FAT4: variants seen among roughly 807,000 people sequenced by gnomAD.
FAT4 encodes FAT atypical cadherin 4, also known as protocadherin Fat 4.
In FAT4, 84 loss-of-function variants were observed where a neutral mutation model predicts 303.9. The ratio of observed to expected loss-of-function variants is 0.28; its 90% CI spans 0.23 to 0.33. FAT4 has a LOEUF of 0.33. Among genes scored for constraint, FAT4 ranks in the 10% least tolerant of loss-of-function variants. The pLI is 1.00. For synonymous variants in FAT4, 2,307 were observed against 2,298.8 expected (o/e 1.00, Z -0.10); for missense variants, 6,005 against 6,146.8 (o/e 0.98, Z 0.77).
rs760631255 is a variant in FAT4 at position 125,490,123 on chromosome 4, C to T, written c.13307C>T (p.Pro4436Leu). Residue 4436 changes from proline to leucine, a missense_variant, in exon 18 of 18, where the codon CCG (proline) becomes CTG (leucine). Pro to Leu is a moderately conservative substitution (Grantham distance 98). Coordinates refer to ENST00000394329, the MANE Select transcript of FAT4 (RefSeq NM_001291303.3). ...CVPPGDCASH[P>L]CQNGGSCEPG... Reference sequence around the variant, plus strand: ...CCTCCTGGGGACTGTGCCTCCCACCCGTGCCAGAATGGTGGCAGCTGTGAG... The same window carrying T: ...CCTCCTGGGGACTGTGCCTCCCACCTGTGCCAGAATGGTGGCAGCTGTGAG... 6.2e-6 allele frequency: 10 copies of T among 1,613,898 alleles called. No homozygotes were observed. The highest frequency in any genetic ancestry group is 5.3e-5 in the African/African-American group (4 of 74,872).
At chr4:125,330,315 T>C (rs1731330137) in intron 2 of FAT4, among the ~76,000 whole-genome samples, 1 of 152,232 alleles carries the variant, frequency 6.6e-6, no homozygotes, top group Admixed American at 6.5e-5. Context: ...TCCATTGCCT[T>C]GCGGCATTTC....
At chr4:125,409,537 T>C (rs995197654) in intron 5 of FAT4, among the ~76,000 whole-genome samples, 1 of 152,186 alleles carries the variant, frequency 6.6e-6, no homozygotes, top group African/African-American at 2.4e-5. Context: ...ATTGCAGGCG[T>C]GAGCCACTGC....
At chr4:125,433,331 G>C (rs968891575) in intron 7 of FAT4, among the ~76,000 whole-genome samples, 5 of 152,182 alleles carry the variant, frequency 3.3e-5, no homozygotes, top group Non-Finnish European at 5.9e-5. Context: ...AGCAGAAAAG[G>C]AGAGTATCTG....
chr4:125,360,098 C>T (rs1732595861), intron 2 of FAT4, among the ~76,000 whole-genome samples: 1 of 151,926 alleles, frequency 6.6e-6, no homozygotes, highest in African/African-American at 2.4e-5. Flanking sequence ...TCCATCTTAT[C>T]TTTTGTTCTT....
At chr4:125,367,493 T>A (rs1732928543) in intron 2 of FAT4, among the ~76,000 whole-genome samples, 1 of 152,110 alleles carries the variant, frequency 6.6e-6, no homozygotes. Flanking sequence ...AGTAAAGGAC[T>A]GCGTATGTTT....
rs777578313 is a variant in FAT4 at position 125,477,285 on chromosome 4, A to C, written c.12430A>C (p.Arg4144=). The C allele has an allele frequency of 6.3e-7, 1 of 1,586,966 alleles. No homozygotes were observed. The highest frequency in any genetic ancestry group is 1.7e-5 in the Admixed American group (1 of 57,614). ...TATAATGGAGTTTGCAGTCAATGGAAGGCCTCTGGAACCCAGCCAAGCTTT... is the reference window on the plus strand; with the variant it reads ...TATAATGGAGTTTGCAGTCAATGGACGGCCTCTGGAACCCAGCCAAGCTTT... ...GCIMEFAVNG[R]PLEPSQALAA... Residue 4144 remains arginine (R), a synonymous_variant, in exon 14 of 18, where the codon AGG becomes CGG. Transcript: ENST00000394329.
At position 125,315,649 on chromosome 4, in the gene FAT4, CAG is replaced by C. The variant is rs1730544182; in HGVS notation, c.-340_-339del. ...CCGGACCACGGGCTTGAAGCCGCAA[CAG>C]GGGCGGCGGCGGCGGCGGCTGCAGG... is the stretch of plus-strand genomic sequence containing the variant. On this transcript the variant is annotated 5_prime_UTR_variant, in exon 1 of 18. An upstream open reading frame in the 5' UTR loses its in-frame stop. Coordinates refer to ENST00000394329, the MANE Select transcript of FAT4 (RefSeq NM_001291303.3). Among the ~76,000 whole-genome samples the C allele has an allele frequency of 6.6e-6, 1 of 152,194 alleles. No individual in the cohort carries two copies. The highest frequency in any genetic ancestry group is 1.5e-5 in the Non-Finnish European group (1 of 68,030).
intron 2 of FAT4, among the ~76,000 whole-genome samples, chr4:125,339,800 C>T (rs536159255): frequency 1.3e-5 from 2 of 152,184 alleles, no homozygotes; most frequent in Admixed American, 1.3e-4. Context: ...TTAGCAATAG[C>T]ACATCCTGAC....
At position 125,434,329 on chromosome 4, in the gene FAT4, C is replaced by A. The variant is rs116568645; in HGVS notation, c.7103C>A (p.Ala2368Glu). 9.8e-4 allele frequency: 1,578 copies of A among 1,613,936 alleles called. 6 individuals are homozygous for A. The highest frequency in any genetic ancestry group is 1.5e-3 in the South Asian group (138 of 91,070). Residue 2368 changes from alanine (A) to glutamate (E), a missense_variant, in exon 8 of 18, where the codon GCG becomes GAG. Transcript: ENST00000394329. ...AATGTCCCCACATTTGCCAGTAAAG[C>A]GTATTTCACAACAATTCCTGAGGAT... ...NDNVPTFASK[A>E]YFTTIPEDAP...
At chr4:125,456,054 T>G (rs2126065343) in intron 10 of FAT4, among the ~76,000 whole-genome samples, 1 of 152,254 alleles carries the variant, frequency 6.6e-6, no homozygotes, top group Admixed American at 6.5e-5. Flanking sequence ...CTGCTTTGCT[T>G]TTACCATTCA....
chr4:125,335,230 T>C lies in FAT4; in HGVS notation c.5175+13644T>C, dbSNP rs76910531. Among the ~76,000 whole-genome samples the C allele has an allele frequency of 5.0e-3, 759 of 152,274 alleles. 31 individuals carry two copies. The South Asian group carries it at 0.075, about 15-fold the overall frequency. ...TTCTTCTCAGCAGTTTTCTCTTTGT[T>C]TGTCAGTATTTTTATACTTACATGA... On this transcript the variant is annotated intron_variant, in intron 2 of 17. Transcript: ENST00000394329.
intron 2 of FAT4, among the ~76,000 whole-genome samples, chr4:125,366,996 A>G (rs184063706): frequency 6.6e-6 from 1 of 152,186 alleles, no homozygotes; most frequent in East Asian, 1.9e-4. Context: ...GATGCTGGAT[A>G]TTAGACCTTT....
At chr4:125,454,693 C>T (rs931144558) in intron 10 of FAT4, among the ~76,000 whole-genome samples, 6 of 151,910 alleles carry the variant, frequency 3.9e-5, no homozygotes, top group African/African-American at 7.3e-5. Flanking sequence ...ATTAGCTGGG[C>T]GTGGTGGCAG....
chr4:125,352,924 G>C (rs558707450), intron 2 of FAT4, among the ~76,000 whole-genome samples: 6 of 151,774 alleles, frequency 4.0e-5, no homozygotes, highest in African/African-American at 1.4e-4. Flanking sequence ...CCATATTGCT[G>C]TTTCCTCAGC....
chr4:125,422,389 C>G (rs1259503334), intron 7 of FAT4, among the ~76,000 whole-genome samples: 1 of 152,140 alleles, frequency 6.6e-6, no homozygotes, highest in Non-Finnish European at 1.5e-5. Context: ...CCCATAATCC[C>G]CATGTGTCAT....
chr4:125,447,821 T>C (rs1050491627), intron 9 of FAT4, among the ~76,000 whole-genome samples: 7 of 152,098 alleles, frequency 4.6e-5, no homozygotes, highest in African/African-American at 1.7e-4. Context: ...TCAATTCTTA[T>C]TTCTTACTAC....
chr4:125,336,987 A>C (rs943884088), intron 2 of FAT4, among the ~76,000 whole-genome samples: 1 of 151,976 alleles, frequency 6.6e-6, no homozygotes, highest in Admixed American at 6.6e-5. Context: ...CATTTTGTAG[A>C]TGGAGTATCA....
At chr4:125,331,599 AT>A (rs1731384740) in intron 2 of FAT4, among the ~76,000 whole-genome samples, 1 of 152,174 alleles carries the variant, frequency 6.6e-6, no homozygotes, top group Non-Finnish European at 1.5e-5. Context: ...GAAAATATAT[AT>A]CACAGTGTAT....
In FAT4 at chr4:125,386,387, C is replaced by T. The variant is rs559785120; in HGVS notation, c.5176-12397C>T. Among the ~76,000 whole-genome samples the T allele has an allele frequency of 1.3e-3, 193 of 152,250 alleles. No homozygotes were observed. In the Middle Eastern group the frequency reaches 0.017, roughly 13 times the overall value. On this transcript the variant is annotated intron_variant, in intron 2 of 17. Coordinates refer to ENST00000394329, the MANE Select transcript of FAT4 (RefSeq NM_001291303.3). ...CCACCTCTGGGGTTCAAGTGATTCTCCTGCCTCAGCCTCCTGAGTAGCTGG... is the reference window on the plus strand; with the variant it reads ...CCACCTCTGGGGTTCAAGTGATTCTTCTGCCTCAGCCTCCTGAGTAGCTGG...
Sources: allele counts gnomAD v4.1 joint callset (sites outside exome capture counted in the v4.1 genomes callset), GRCh38; gene constraint gnomAD v4.1.1; transcripts MANE v1.5; gene names NCBI Gene and HGNC (gene_info 2026-07-23, HGNC 2026-07-21).